ANK3: variants seen among roughly 807,000 people sequenced by gnomAD.
The protein encoded by ANK3 is ankyrin 3.
Under a neutral mutation model 370.9 loss-of-function variants are expected in ANK3, and 57 were observed. The ratio of observed to expected loss-of-function variants is 0.15; its 90% CI spans 0.12 to 0.19. ANK3 has a LOEUF of 0.19. ANK3 is among the 10% of genes least tolerant of loss of function. The probability of loss-of-function intolerance (pLI) is 1.00; values close to 1 mark genes in which losing one functional copy is unlikely to be tolerated. For missense variants in ANK3, 4,439 were observed against 5,302.1 expected (o/e 0.84, Z 5.06); for synonymous variants, 1,929 against 1,946.3 (o/e 0.99, Z 0.23).
At chr10:60,383,829 C>T (rs1186430155) in intron 1 of ANK3, among the ~76,000 whole-genome samples, 1 of 152,044 alleles carries the variant, frequency 6.6e-6, no homozygotes, top group Non-Finnish European at 1.5e-5. Flanking sequence ...TCAGAGATAC[C>T]CAGGTAATTA....
At chr10:60,579,905 C>A (rs1179047985) in intron 2 of ANK3, among the ~76,000 whole-genome samples, 1 of 152,056 alleles carries the variant, frequency 6.6e-6, no homozygotes, top group Non-Finnish European at 1.5e-5. Context: ...TTCAGAAAAT[C>A]CTATAAGAAT....
chr10:60,637,037 C>G (rs2078564608), intron 1 of ANK3, among the ~76,000 whole-genome samples: 1 of 152,176 alleles, frequency 6.6e-6, no homozygotes, highest in African/African-American at 2.4e-5. Flanking sequence ...CCAAACACGC[C>G]CATAGTGCCA....
At chr10:60,138,516 AT>A (rs1175210409) in intron 24 of ANK3, 10 of 401,980 alleles carry the variant, frequency 2.5e-5, no homozygotes, top group South Asian at 1.3e-4. Flanking sequence ...AAACAACATA[AT>A]TTTTTTTCAA....
chr10:60,530,849 G>A (rs899427564), intron 2 of ANK3, among the ~76,000 whole-genome samples: 2 of 152,092 alleles, frequency 1.3e-5, no homozygotes, highest in Non-Finnish European at 2.9e-5. Flanking sequence ...TCCACCTGGC[G>A]TTTGCCTCCT....
intron 2 of ANK3, among the ~76,000 whole-genome samples, chr10:60,459,090 A>C (rs539875234): frequency 1.3e-5 from 2 of 152,176 alleles, no homozygotes; most frequent in Non-Finnish European, 2.9e-5. Flanking sequence ...GCCTAAACTG[A>C]AAAGTACTCA....
intron 8 of ANK3, among the ~76,000 whole-genome samples, chr10:60,226,499 TAGTATATATACATA>T (rs1469736597): frequency 3.6e-5 from 3 of 82,330 alleles, no homozygotes; most frequent in East Asian, 4.0e-4. Flanking sequence ...ACATATACTA[TAGTATATATACATA>T]GTATATATAC....
chr10:60,094,940 A>G (rs1665058826), intron 28 of ANK3, among the ~76,000 whole-genome samples: 1 of 152,244 alleles, frequency 6.6e-6, no homozygotes, highest in Non-Finnish European at 1.5e-5. Context: ...AGGAAAGTGA[A>G]ATACAAAACA....
At chr10:60,491,721 C>T (rs1425770010) in intron 2 of ANK3, among the ~76,000 whole-genome samples, 1 of 152,152 alleles carries the variant, frequency 6.6e-6, no homozygotes, top group East Asian at 1.9e-4. Context: ...GATTGAGACA[C>T]AGTACGGTGT....
intron 1 of ANK3, among the ~76,000 whole-genome samples, chr10:60,343,093 G>A (rs749963545): frequency 3.3e-5 from 5 of 152,164 alleles, no homozygotes; most frequent in African/African-American, 1.2e-4. Context: ...ATACTCGTGG[G>A]TGAGTTATTA....
chr10:60,455,186 ATTAG>A (rs1250077253), intron 2 of ANK3, among the ~76,000 whole-genome samples: 1 of 152,208 alleles, frequency 6.6e-6, no homozygotes, highest in African/African-American at 2.4e-5. Flanking sequence ...CCACTACAAA[ATTAG>A]TTAGTGAGAA....
chr10:60,418,084 A>ATCATTCCT (rs1310595469), intron 2 of ANK3, among the ~76,000 whole-genome samples: 7 of 152,160 alleles, frequency 4.6e-5, no homozygotes, highest in Non-Finnish European at 1.0e-4. Context: ...TTCAGTTGTC[A>ATCATTCCT]GAGCCCTAGT....
chr10:60,043,994 C>T, intron 42 of ANK3: 1 of 985,826 alleles, frequency 1.0e-6, no homozygotes, highest in Non-Finnish European at 1.2e-6. Context: ...ACTGCAGATG[C>T]CAGCCTGTTA....
intron 1 of ANK3, among the ~76,000 whole-genome samples, chr10:60,316,281 T>C (rs975113032): frequency 1.1e-4 from 16 of 152,144 alleles, no homozygotes; most frequent in African/African-American, 3.4e-4. Flanking sequence ...GCTAGGTAAA[T>C]GTATGACACC....
intron 2 of ANK3, chr10:60,508,599 G>A (rs2075999502): frequency 2.0e-5 from 3 of 152,654 alleles, no homozygotes; most frequent in African/African-American, 4.8e-5. Flanking sequence ...AGCATAATAA[G>A]CAATGGCCAA....
At chr10:60,187,000 G>T in intron 16 of ANK3, 88 bp from the exon 17 acceptor site, 1 of 1,306,474 alleles carries the variant, frequency 7.7e-7, no homozygotes, top group South Asian at 1.2e-5. Context: ...TCTCTTTCTA[G>T]TGGTTTTCTA....
At chr10:60,577,439 G>T (rs1377376105) in intron 2 of ANK3, among the ~76,000 whole-genome samples, 1 of 152,062 alleles carries the variant, frequency 6.6e-6, no homozygotes, top group African/African-American at 2.4e-5. Flanking sequence ...TGGGAGGGAT[G>T]GGTGGGAGGT....
At chr10:60,539,297 G>A (rs1160025934) in intron 2 of ANK3, among the ~76,000 whole-genome samples, 1 of 151,868 alleles carries the variant, frequency 6.6e-6, no homozygotes, top group Non-Finnish European at 1.5e-5. Flanking sequence ...TAATACCATT[G>A]ATTTTTCTTG....
intron 1 of ANK3, among the ~76,000 whole-genome samples, chr10:60,353,534 A>T (rs1342674451): frequency 6.6e-6 from 1 of 152,094 alleles, no homozygotes; most frequent in Admixed American, 6.6e-5. Flanking sequence ...TTGCTCATTA[A>T]CAGAAACTGA....
At chr10:60,665,674 A>T (rs1040120870) in intron 1 of ANK3, among the ~76,000 whole-genome samples, 1 of 152,192 alleles carries the variant, frequency 6.6e-6, no homozygotes, top group Admixed American at 6.5e-5. Flanking sequence ...GTATCTTGAG[A>T]TATTTTGTTA....
Sources: gnomAD v4.1 joint callset for allele counts (sites outside exome capture counted in the v4.1 genomes callset) on GRCh38, gnomAD v4.1.1 for gene constraint, MANE v1.5 for transcripts, NCBI Gene and HGNC (gene_info 2026-07-23, HGNC 2026-07-21) for gene names.